Variants in BLTP1 observed in about 807,000 individuals in gnomAD.
BLTP1 encodes fragile site-associated protein.
the BLTP1 span, chr4:122,231,944 G>T: frequency 1.3e-6 from 1 of 745,342 alleles, no homozygotes; most frequent in Non-Finnish European, 1.6e-6. Flanking sequence ...GAAAGCTCAT[G>T]TATGAAGAAT....
the BLTP1 span, chr4:122,215,648 G>A: frequency 1.3e-6 from 1 of 767,564 alleles, no homozygotes. Flanking sequence ...AAGGCTTCTG[G>A]AGGGGAGAAC....
At chr4:122,244,834 G>T in the BLTP1 span, 3 of 435,378 alleles carry the variant, frequency 6.9e-6, no homozygotes, top group Non-Finnish European at 9.2e-6. Flanking sequence ...AGGTGGTGAT[G>T]TGGGGATAAC....
At chr4:122,310,261 A>C in the BLTP1 span, among the ~76,000 whole-genome samples, 1 of 152,056 alleles carries the variant, frequency 6.6e-6, no homozygotes, top group African/African-American at 2.4e-5. Flanking sequence ...CAAAAATTGA[A>C]GTTTTAGCAT....
At chr4:122,251,704 G>C in the BLTP1 span, 1 of 630,586 alleles carries the variant, frequency 1.6e-6, no homozygotes, top group Non-Finnish European at 2.0e-6. Flanking sequence ...CCCTTGAATT[G>C]GCTAACATTA....
chr4:122,251,419 C>T, the BLTP1 span: 3 of 894,456 alleles, frequency 3.4e-6, no homozygotes, highest in Non-Finnish European at 4.0e-6. Flanking sequence ...ACCTTTACCC[C>T]CCAGATTCCT....
At chr4:122,336,416 T>C in the BLTP1 span, 1 of 1,108,808 alleles carries the variant, frequency 9.0e-7, no homozygotes, top group Non-Finnish European at 1.3e-6. Context: ...ATATAGAAGG[T>C]TTTCTTAATG....
the BLTP1 span, chr4:122,200,263 G>A: frequency 1.0e-6 from 1 of 985,222 alleles, no homozygotes; most frequent in Non-Finnish European, 1.2e-6. Flanking sequence ...TTCCTAGGTA[G>A]GCAGCTTTTC....
the BLTP1 span, chr4:122,187,341 A>G: frequency 6.5e-7 from 1 of 1,538,038 alleles, no homozygotes; most frequent in Non-Finnish European, 8.7e-7. Context: ...GTAAACTGAA[A>G]CTGTGAGGTA....
chr4:122,289,531 G>A, the BLTP1 span: 3 of 984,128 alleles, frequency 3.0e-6, no homozygotes, highest in East Asian at 3.4e-4. Flanking sequence ...TCAACCTTTT[G>A]TCTATACCAG....
the BLTP1 span, among the ~76,000 whole-genome samples, chr4:122,262,474 T>G: frequency 6.6e-6 from 1 of 151,684 alleles, no homozygotes; most frequent in East Asian, 1.9e-4. Flanking sequence ...CCTCATCAGA[T>G]TAAGAAGGGA....
chr4:122,299,497 T>A, the BLTP1 span, among the ~76,000 whole-genome samples: 1 of 152,078 alleles, frequency 6.6e-6, no homozygotes, highest in Non-Finnish European at 1.5e-5. Context: ...GGAAATAGCA[T>A]TGAAAAGTAA....
At chr4:122,334,638 T>C in the BLTP1 span, 1 of 1,276,420 alleles carries the variant, frequency 7.8e-7, no homozygotes, top group East Asian at 2.4e-5. Context: ...TGCACATGTT[T>C]AAGAAAAAAG....
chr4:122,200,671 C>CTGAGCCTG, the BLTP1 span: 19 of 984,546 alleles, frequency 1.9e-5, no homozygotes, highest in Admixed American at 6.2e-5. Context: ...TTCCTTCACA[C>CTGAGCCTG]TGAGCCTGTC....
chr4:122,166,354 T>A, the BLTP1 span, among the ~76,000 whole-genome samples: 1 of 152,214 alleles, frequency 6.6e-6, no homozygotes, highest in Non-Finnish European at 1.5e-5. Context: ...TTCTTGATTT[T>A]GTCAGGTTTG....
the BLTP1 span, among the ~76,000 whole-genome samples, chr4:122,341,262 T>A: frequency 1.3e-5 from 2 of 152,170 alleles, no homozygotes; most frequent in Non-Finnish European, 2.9e-5. Flanking sequence ...ACTGTAAGAT[T>A]TCTACACTCT....
chr4:122,247,110 C>G, the BLTP1 span: 1 of 1,556,746 alleles, frequency 6.4e-7, no homozygotes, highest in African/African-American at 1.4e-5. Flanking sequence ...TTTCTCTGAA[C>G]TGTATTATTT....
the BLTP1 span, chr4:122,250,648 A>G: frequency 2.1e-6 from 3 of 1,432,904 alleles, no homozygotes; most frequent in Non-Finnish European, 2.9e-6. Flanking sequence ...GCAATTCAAA[A>G]TTAGTTTCTG....
chr4:122,194,455 T>G, the BLTP1 span: 1 of 706,618 alleles, frequency 1.4e-6, no homozygotes, highest in South Asian at 6.4e-5. Context: ...CCTCTTCTGG[T>G]AAAATTTTCC....
the BLTP1 span, among the ~76,000 whole-genome samples, chr4:122,222,347 A>G: frequency 6.6e-6 from 1 of 152,120 alleles, no homozygotes; most frequent in Non-Finnish European, 1.5e-5. Context: ...TCAGTCTCTT[A>G]ACTCAAGGCT....
Sources: allele counts gnomAD v4.1 joint callset (sites outside exome capture counted in the v4.1 genomes callset), GRCh38; gene constraint gnomAD v4.1.1; transcripts MANE v1.5; gene names NCBI Gene and HGNC (gene_info 2026-07-23, HGNC 2026-07-21).